The following AFG2A variants were observed in gnomAD, a reference collection of about 807,000 sequenced individuals.
The protein encoded by AFG2A is ATPase family gene 2 protein homolog A.
At chr4:123,230,833 T>A in the AFG2A span, among the ~76,000 whole-genome samples, 3 of 151,990 alleles carry the variant, frequency 2.0e-5, no homozygotes, top group African/African-American at 7.2e-5. Flanking sequence ...ACAACACTAA[T>A]CTACATCTCC....
chr4:122,961,904 A>G, the AFG2A span, among the ~76,000 whole-genome samples: 651 of 152,326 alleles, frequency 4.3e-3, 19 homozygotes, highest in Admixed American at 0.026. Flanking sequence ...ATTGATGTAT[A>G]TGTCATGATA....
the AFG2A span, among the ~76,000 whole-genome samples, chr4:123,225,171 C>T: frequency 2.7e-3 from 413 of 152,250 alleles, 2 homozygotes; most frequent in East Asian, 0.015. Context: ...TGCCTGTTCA[C>T]GCTGATGGTA....
the AFG2A span, among the ~76,000 whole-genome samples, chr4:123,033,178 C>T: frequency 6.6e-6 from 1 of 152,082 alleles, no homozygotes; most frequent in South Asian, 2.1e-4. Context: ...CTTTTAATTA[C>T]AGAATGCTTT....
chr4:123,255,864 T>C, the AFG2A span: 2 of 916,086 alleles, frequency 2.2e-6, no homozygotes, highest in Admixed American at 2.8e-5. Flanking sequence ...ATCGGTGACA[T>C]AGATTATGGA....
chr4:123,106,426 T>G, the AFG2A span, among the ~76,000 whole-genome samples: 2 of 152,202 alleles, frequency 1.3e-5, no homozygotes, highest in African/African-American at 4.8e-5. Context: ...CTTGGAGGTA[T>G]GCCTGTATTT....
At chr4:123,139,117 CAG>C in the AFG2A span, among the ~76,000 whole-genome samples, 1 of 152,014 alleles carries the variant, frequency 6.6e-6, no homozygotes, top group Non-Finnish European at 1.5e-5. Context: ...GGAGATAAAA[CAG>C]ATGTAAATAT....
At chr4:123,205,593 G>A in the AFG2A span, among the ~76,000 whole-genome samples, 1 of 152,072 alleles carries the variant, frequency 6.6e-6, no homozygotes, top group African/African-American at 2.4e-5. Flanking sequence ...TAAGTATAGG[G>A]AGGATATGCA....
At chr4:123,287,562 A>G in the AFG2A span, among the ~76,000 whole-genome samples, 46 of 152,346 alleles carry the variant, frequency 3.0e-4, no homozygotes, top group South Asian at 7.0e-3. Context: ...ATTAAGTCAG[A>G]TATCTTATTT....
chr4:123,228,569 G>A, the AFG2A span, among the ~76,000 whole-genome samples: 3,306 of 152,040 alleles, frequency 0.022, 64 homozygotes, highest in Non-Finnish European at 0.035. Context: ...TACTAATAGC[G>A]TTCATTTATT....
the AFG2A span, among the ~76,000 whole-genome samples, chr4:123,212,877 A>G: frequency 1.3e-5 from 2 of 152,170 alleles, no homozygotes; most frequent in African/African-American, 2.4e-5. Context: ...AAAAATCAGG[A>G]TATTTAAAAT....
At chr4:123,080,476 C>T in the AFG2A span, among the ~76,000 whole-genome samples, 44,526 of 152,126 alleles carry the variant, frequency 0.29, 6,800 homozygotes, top group South Asian at 0.56. Flanking sequence ...CCCCATCTGA[C>T]TACTGCACAC....
the AFG2A span, among the ~76,000 whole-genome samples, chr4:123,019,372 TGAA>T: frequency 1.9e-4 from 29 of 152,310 alleles, no homozygotes; most frequent in African/African-American, 6.5e-4. Flanking sequence ...TGTAAAATTG[TGAA>T]TATGTTAAAC....
the AFG2A span, among the ~76,000 whole-genome samples, chr4:123,032,661 G>A: frequency 2.0e-5 from 3 of 152,152 alleles, no homozygotes; most frequent in East Asian, 1.9e-4. Context: ...TGATCCACCC[G>A]CCTTGGCCTC....
chr4:122,977,840 G>A, the AFG2A span, among the ~76,000 whole-genome samples: 1 of 152,230 alleles, frequency 6.6e-6, no homozygotes, highest in East Asian at 1.9e-4. Context: ...AGGTCGTCCT[G>A]ATGAGCGTCC....
chr4:123,086,828 A>G, the AFG2A span, among the ~76,000 whole-genome samples: 7 of 152,122 alleles, frequency 4.6e-5, no homozygotes, highest in Admixed American at 2.6e-4. Flanking sequence ...CGGTTGACTA[A>G]TGAGCCCATC....
chr4:123,278,443 T>C, the AFG2A span, among the ~76,000 whole-genome samples: 2 of 152,214 alleles, frequency 1.3e-5, no homozygotes, highest in African/African-American at 2.4e-5. Flanking sequence ...TTTTCATATC[T>C]CAGTTTCCTT....
the AFG2A span, chr4:122,934,050 G>A: frequency 6.7e-7 from 1 of 1,496,512 alleles, no homozygotes; most frequent in Non-Finnish European, 8.9e-7. Context: ...CATTAAACTG[G>A]TAAAAAAAAT....
the AFG2A span, among the ~76,000 whole-genome samples, chr4:123,307,514 A>G: frequency 1.3e-5 from 2 of 152,206 alleles, no homozygotes; most frequent in African/African-American, 4.8e-5. Flanking sequence ...ATTCATTCCT[A>G]AATAGAGAGA....
At chr4:123,001,599 T>C in the AFG2A span, among the ~76,000 whole-genome samples, 2 of 151,666 alleles carry the variant, frequency 1.3e-5, no homozygotes. Context: ...TCAGTTTCCA[T>C]GTAGTTGAGC....
Sources: allele counts gnomAD v4.1 joint callset (sites outside exome capture counted in the v4.1 genomes callset), GRCh38; gene constraint gnomAD v4.1.1; transcripts MANE v1.5; gene names NCBI Gene and HGNC (gene_info 2026-07-23, HGNC 2026-07-21).